The following CCSER1 variants were observed in gnomAD, a reference collection of about 807,000 sequenced individuals.
The protein encoded by CCSER1 is coiled-coil serine rich protein 1.
In CCSER1, 41 loss-of-function variants were observed where a neutral mutation model predicts 82.0. That is an observed-to-expected ratio of 0.50 (90% CI 0.39 to 0.65). The LOEUF is 0.65. Ranked by LOEUF, CCSER1 falls within the 30% of genes least tolerant of loss-of-function variation. The pLI, the probability that CCSER1 is intolerant of heterozygous loss-of-function variation, is 0.00. For missense variants in CCSER1, 1,119 were observed against 1,064.2 expected, an observed-to-expected ratio of 1.05 and a Z score of -0.72; for synonymous variants, 414 against 383.9, an observed-to-expected ratio of 1.08 and a Z score of -0.92.
At chr4:90,617,684 G>A (rs1188036187) in intron 5 of CCSER1, among the ~76,000 whole-genome samples, 1 of 152,048 alleles carries the variant, frequency 6.6e-6, no homozygotes, top group Non-Finnish European at 1.5e-5. Context: ...ACATATGATT[G>A]TAGTATTTGT....
At chr4:90,939,682 C>T (rs923212578) in intron 9 of CCSER1, among the ~76,000 whole-genome samples, 1 of 151,944 alleles carries the variant, frequency 6.6e-6, no homozygotes, top group African/African-American at 2.4e-5. Context: ...TGGTGGTAAC[C>T]TTTATAAATA....
At chr4:91,105,633 GGAGGAA>G (rs973782634) in intron 10 of CCSER1, among the ~76,000 whole-genome samples, 3 of 152,122 alleles carry the variant, frequency 2.0e-5, no homozygotes, top group African/African-American at 7.2e-5. Context: ...GAACCTGGGA[GGAGGAA>G]GTTGCAGTGA....
intron 10 of CCSER1, among the ~76,000 whole-genome samples, chr4:91,318,865 C>A (rs910021222): frequency 6.6e-6 from 1 of 151,914 alleles, no homozygotes; most frequent in Non-Finnish European, 1.5e-5. Context: ...TTTTAACGTT[C>A]TGATTGTGCA....
chr4:90,202,813 A>G (rs1220208515), intron 1 of CCSER1, among the ~76,000 whole-genome samples: 1 of 152,178 alleles, frequency 6.6e-6, no homozygotes, highest in Non-Finnish European at 1.5e-5. Context: ...CTTTCTTCTC[A>G]TTTATAGAAA....
chr4:91,579,764 G>C (rs1220115077), intron 10 of CCSER1, among the ~76,000 whole-genome samples: 1 of 151,794 alleles, frequency 6.6e-6, no homozygotes, highest in Admixed American at 6.6e-5. Flanking sequence ...GCATGAATAG[G>C]GGATTAACCA....
chr4:90,264,517 A>G (rs1332903472), intron 1 of CCSER1, among the ~76,000 whole-genome samples: 3 of 152,144 alleles, frequency 2.0e-5, no homozygotes, highest in Non-Finnish European at 4.4e-5. Flanking sequence ...TACAACACAA[A>G]CTAACAAGAG....
At chr4:91,368,518 A>G (rs1013904989) in intron 10 of CCSER1, among the ~76,000 whole-genome samples, 7 of 152,128 alleles carry the variant, frequency 4.6e-5, no homozygotes, top group African/African-American at 1.7e-4. Flanking sequence ...CATACATTTT[A>G]GTTGTTTCTC....
In CCSER1 at chr4:90,308,845, T is replaced by G; in HGVS notation, c.561T>G (p.Ser187=). 1 of 1,613,780 alleles carries G rather than the reference T, an allele frequency of 6.2e-7. No homozygotes were observed. Among genetic ancestry groups the G allele is most frequent in the Non-Finnish European group, 8.5e-7 (1 of 1,179,818 alleles). Residue 187 remains serine, a synonymous_variant, in exon 2 of 11, where the codon TCT becomes TCG. Transcript: ENST00000509176. ...TRKLLPKSFS[S]HYKFSKPVLQ... ...AGCTACTCCCTAAATCTTTTTCATC[T>G]CACTATAAATTTTCTAAGCCAGTTC...
chr4:90,732,585 A>T (rs150815659), intron 7 of CCSER1, among the ~76,000 whole-genome samples: 3 of 152,246 alleles, frequency 2.0e-5, no homozygotes, highest in South Asian at 4.2e-4. Context: ...CTACTTAGGG[A>T]CAGTGAGCCA....
chr4:90,315,494 C>A (rs2153483028), intron 3 of CCSER1, among the ~76,000 whole-genome samples: 1 of 151,982 alleles, frequency 6.6e-6, no homozygotes, highest in African/African-American at 2.4e-5. Flanking sequence ...ACAGTTTATT[C>A]ATTTTTTATT....
At chr4:90,382,821 G>A (rs186958050) in intron 3 of CCSER1, among the ~76,000 whole-genome samples, 38 of 152,086 alleles carry the variant, frequency 2.5e-4, no homozygotes, top group Non-Finnish European at 4.9e-4. Context: ...CTGCAGATTT[G>A]TCATTAACTA....
chr4:90,473,949 T>C (rs913244760), intron 5 of CCSER1, among the ~76,000 whole-genome samples: 1 of 152,166 alleles, frequency 6.6e-6, no homozygotes, highest in Non-Finnish European at 1.5e-5. Context: ...GGGTTTTGTG[T>C]TGAAAAGCAG....
intron 1 of CCSER1, among the ~76,000 whole-genome samples, chr4:90,262,496 T>C (rs1724512986): frequency 6.6e-6 from 1 of 152,166 alleles, no homozygotes. Context: ...ATCGTATGCA[T>C]TTTTAAAATT....
intron 3 of CCSER1, among the ~76,000 whole-genome samples, chr4:90,365,261 A>G (rs1746082371): frequency 6.6e-6 from 1 of 151,946 alleles, no homozygotes. Context: ...GAATTCAATG[A>G]GCAACATAAA....
At chr4:90,805,185 G>C (rs1757351100) in intron 7 of CCSER1, among the ~76,000 whole-genome samples, 1 of 152,144 alleles carries the variant, frequency 6.6e-6, no homozygotes, top group Non-Finnish European at 1.5e-5. Flanking sequence ...TCTATGTCAA[G>C]AACTTGGGAA....
At chr4:90,177,818 C>T (rs1401512043) in intron 1 of CCSER1, among the ~76,000 whole-genome samples, 6 of 151,990 alleles carry the variant, frequency 3.9e-5, no homozygotes, top group East Asian at 3.9e-4. Flanking sequence ...GTTTGAAGCA[C>T]GATGCACAGC....
chr4:91,262,798 C>A (rs1259424101), intron 10 of CCSER1, among the ~76,000 whole-genome samples: 1 of 151,634 alleles, frequency 6.6e-6, no homozygotes, highest in Non-Finnish European at 1.5e-5. Context: ...CAACATTATA[C>A]GAGTATAATT....
intron 6 of CCSER1, among the ~76,000 whole-genome samples, chr4:90,718,669 T>C (rs531193637): frequency 7.9e-5 from 12 of 152,258 alleles, no homozygotes; most frequent in African/African-American, 2.9e-4. Context: ...AAAATTTACT[T>C]TGATGAAAGT....
intron 9 of CCSER1, among the ~76,000 whole-genome samples, chr4:91,081,001 C>A (rs28788317): frequency 1.3e-4 from 20 of 152,152 alleles, no homozygotes; most frequent in Non-Finnish European, 2.8e-4. Context: ...TGGTTCCATG[C>A]CTTCTGAAAT....
Sources: allele counts gnomAD v4.1 joint callset (sites outside exome capture counted in the v4.1 genomes callset), GRCh38; gene constraint gnomAD v4.1.1; transcripts MANE v1.5; gene names NCBI Gene and HGNC (gene_info 2026-07-23, HGNC 2026-07-21).